Variants in ITPRID1 observed in about 807,000 individuals in gnomAD.
ITPRID1 encodes the protein ITPR interacting domain containing 1, also known as protein ITPRID1.
ITPRID1 carries 96 observed loss-of-function variants against 95.4 expected under a neutral mutation model. That is an observed-to-expected ratio of 1.01 (90% CI 0.85 to 1.19). The LOEUF (loss-of-function observed/expected upper bound fraction) is 1.19, where lower values mean the gene tolerates loss of function less well. ITPRID1 is among the 50% of genes most tolerant of loss of function. The pLI, the probability that ITPRID1 is intolerant of heterozygous loss-of-function variation, is 0.00. For missense variants in ITPRID1, 1,339 were observed against 1,252.9 expected, an observed-to-expected ratio of 1.07 and a Z score of -1.04; for synonymous variants, 510 against 453.6, an observed-to-expected ratio of 1.12 and a Z score of -1.58.
At chr7:31,568,810 C>A (rs926493178) in intron 5 of ITPRID1, among the ~76,000 whole-genome samples, 1 of 152,168 alleles carries the variant, frequency 6.6e-6, no homozygotes, top group Non-Finnish European at 1.5e-5. Context: ...ATATACACTC[C>A]TCTTTCTGTC....
intron 10 of ITPRID1, among the ~76,000 whole-genome samples, chr7:31,613,163 A>C (rs959832483): frequency 2.6e-5 from 4 of 152,138 alleles, no homozygotes; most frequent in African/African-American, 9.7e-5. Flanking sequence ...GCTGTTTTTC[A>C]CAGCTACCAC....
At position 31,654,309 on chromosome 7, in the gene ITPRID1, G is replaced by C. The variant is rs932922813; in HGVS notation, c.*1480G>C. Among the ~76,000 whole-genome samples the C allele has an allele frequency of 6.6e-6, 1 of 152,174 alleles. No homozygotes were observed. The highest frequency in any genetic ancestry group is 2.4e-5 in the African/African-American group (1 of 41,432). Reference sequence around the variant, plus strand: ...GAAAGTTAACAGGCCCCCAGATGTAGAGATAGCCAGTGCTGCTCAGTGCGG... The same window carrying C: ...GAAAGTTAACAGGCCCCCAGATGTACAGATAGCCAGTGCTGCTCAGTGCGG... On this transcript the variant is annotated 3_prime_UTR_variant, in exon 15 of 15. Coordinates refer to ENST00000615280, the MANE Select transcript of ITPRID1 (RefSeq NM_001257967.3).
At position 31,642,258 on chromosome 7, in the gene ITPRID1, G is replaced by C; in HGVS notation, c.1311G>C (p.Gln437His). Residue 437 changes from glutamine (Q) to histidine (H), a missense_variant and splice_region_variant, in exon 11 of 15, where the codon CAG becomes CAC. Coordinates refer to ENST00000615280, the MANE Select transcript of ITPRID1 (RefSeq NM_001257967.3). The part of the protein sequence containing the change: ...LEEPLEPLPL[Q>H]MPSLPNSQSP... Reference sequence around the variant, plus strand: ...AGCCGCTGGAACCGCTGCCCCTCCAGGTAGGAGGGTTTGGAACAGGGCCCT... The same window carrying C: ...AGCCGCTGGAACCGCTGCCCCTCCACGTAGGAGGGTTTGGAACAGGGCCCT... 1.3e-6 allele frequency: 2 copies of C among 1,547,208 alleles called. No individual in the cohort carries two copies. Among genetic ancestry groups the C allele is most frequent in the Non-Finnish European group, 1.7e-6 (2 of 1,144,092 alleles).
chr7:31,578,214 C>T lies in ITPRID1; in HGVS notation c.950C>T (p.Ser317Phe). The change falls in exon 9 of 15, where the codon TCT becomes TTT. Residue 317 changes from serine to phenylalanine, a missense_variant. Transcript: ENST00000615280. ...TTGTCTCTGTCAGTAGAACATCAGT[C>T]TCTCCAAGCCTGTGATGATTTGCTA... is the stretch of plus-strand genomic sequence containing the variant. ...NHLSLSVEHQ[S>F]LQACDDLLPY... 1.2e-6 allele frequency: 2 copies of T among 1,613,376 alleles called. No individual in the cohort carries two copies. Among genetic ancestry groups the T allele is most frequent in the Non-Finnish European group, 1.7e-6 (2 of 1,179,534 alleles).
intron 10 of ITPRID1, among the ~76,000 whole-genome samples, chr7:31,587,982 T>G (rs941472963): frequency 1.3e-5 from 2 of 152,056 alleles, no homozygotes; most frequent in Non-Finnish European, 2.9e-5. Flanking sequence ...CTTAGACAAA[T>G]CTTTAGGAAT....
At chr7:31,613,818 C>T (rs1336401652) in intron 10 of ITPRID1, among the ~76,000 whole-genome samples, 4 of 152,070 alleles carry the variant, frequency 2.6e-5, no homozygotes, top group Non-Finnish European at 5.9e-5. Context: ...TTCTTTTTGC[C>T]CTCTGCACAG....
chr7:31,594,681 AC>A (rs1786004025), intron 10 of ITPRID1, among the ~76,000 whole-genome samples: 1 of 151,992 alleles, frequency 6.6e-6, no homozygotes, highest in African/African-American at 2.4e-5. Context: ...ACATGGTGAA[AC>A]CCCATCTCTA....
chr7:31,625,762 A>G (rs1219265900), intron 10 of ITPRID1, among the ~76,000 whole-genome samples: 3 of 152,144 alleles, frequency 2.0e-5, no homozygotes, highest in Non-Finnish European at 4.4e-5. Flanking sequence ...CCCTAAACTT[A>G]AAGTATAATT....
rs1412489561 is a variant in ITPRID1, at chr7:31,593,440, A to ATT, written c.1228+10250_1228+10251dup. Among the ~76,000 whole-genome samples, 32 of 152,356 alleles carry ATT rather than the reference A, an allele frequency of 2.1e-4. No homozygotes were observed. In the South Asian group the frequency reaches 5.8e-3, roughly 28 times the overall value. ...AAATCAATGAGAAAAACAATATCTT[A>ATT]TTAGATATGGTGAATGGAAATACAT... On this transcript the variant is annotated intron_variant, in intron 10 of 14. Transcript: ENST00000615280.
intron 1 of ITPRID1, among the ~76,000 whole-genome samples, chr7:31,544,393 C>G (rs115746431): frequency 1.3e-5 from 2 of 152,048 alleles, no homozygotes; most frequent in Admixed American, 6.6e-5. Flanking sequence ...AAAGAACATA[C>G]GTTTAATTAT....
chr7:31,606,116 G>C (rs184263698), intron 10 of ITPRID1, among the ~76,000 whole-genome samples: 1 of 152,100 alleles, frequency 6.6e-6, no homozygotes, highest in Non-Finnish European at 1.5e-5. Context: ...GAGTTTCAAA[G>C]TTCTGTGTTT....
intron 10 of ITPRID1, among the ~76,000 whole-genome samples, chr7:31,616,299 G>T (rs944143251): frequency 6.6e-6 from 1 of 151,946 alleles, no homozygotes; most frequent in Non-Finnish European, 1.5e-5. Flanking sequence ...TGTATTTATG[G>T]TTATCCCTTC....
Position 31,656,046 on chromosome 7 carries a change from G to A in ITPRID1, c.*3217G>A, listed in dbSNP as rs946992614. ...TGAAGTATCTCACCAGTAAGTCCTA[G>A]GGCAGACCCCATCTCCTACACAGGC... On this transcript the variant is annotated 3_prime_UTR_variant, in exon 15 of 15. Transcript: ENST00000615280. The A allele has an allele frequency of 1.0e-6, 1 of 979,792 alleles. No homozygotes were observed. Among genetic ancestry groups the A allele is most frequent in the African/African-American group, 1.8e-5 (1 of 57,096 alleles). 60.7% of individuals were successfully genotyped at this position (979,792 alleles called of 1,614,324 possible). A position where few individuals can be genotyped will look rare whatever the true frequency, so the allele number is the denominator to read the frequency against.
chr7:31,574,668 C>G lies in ITPRID1; in HGVS notation c.524C>G (p.Ala175Gly). Residue 175 changes from alanine (A) to glycine (G), a missense_variant, in exon 8 of 15, where the codon GCC (alanine) becomes GGC (glycine). Physicochemically the swap from Ala to Gly is moderately conservative, Grantham distance 60 (BLOSUM62 0). Transcript: ENST00000615280. ...PARFLGCGSA[A>G]RGINIRVFLE... is the part of the protein sequence containing the mutation. Reference sequence around the variant, plus strand: ...AGATTCCTTGGTTGTGGCTCAGCAGCCAGAGGAATCAACATCCGTGTTTTT... The same window carrying G: ...AGATTCCTTGGTTGTGGCTCAGCAGGCAGAGGAATCAACATCCGTGTTTTT... 6.2e-7 allele frequency: 1 copy of G among 1,613,850 alleles called. No individual in the cohort carries two copies. Among genetic ancestry groups the G allele is most frequent in the Non-Finnish European group, 8.5e-7 (1 of 1,179,832 alleles).
intron 10 of ITPRID1, among the ~76,000 whole-genome samples, chr7:31,620,819 A>C (rs1269920074): frequency 6.6e-6 from 1 of 152,200 alleles, no homozygotes; most frequent in Non-Finnish European, 1.5e-5. Flanking sequence ...AAGCTACAGG[A>C]GGAAATTCAA....
chr7:31,645,069 A>G (rs1790347923), intron 12 of ITPRID1, among the ~76,000 whole-genome samples: 1 of 152,224 alleles, frequency 6.6e-6, no homozygotes, highest in Admixed American at 6.5e-5. Flanking sequence ...AGGAAACTAG[A>G]ACTGAGAGAG....
intron 1 of ITPRID1, among the ~76,000 whole-genome samples, chr7:31,533,637 C>T (rs999371639): frequency 1.3e-5 from 2 of 152,058 alleles, no homozygotes; most frequent in African/African-American, 4.8e-5. Context: ...TCCTCTGCAT[C>T]CTACACATTT....
At chr7:31,521,283 A>C (rs1783241385) in intron 1 of ITPRID1, among the ~76,000 whole-genome samples, 1 of 152,136 alleles carries the variant, frequency 6.6e-6, no homozygotes, top group African/African-American at 2.4e-5. Flanking sequence ...ATTTGCATTA[A>C]GTTCAAAATA....
intron 11 of ITPRID1, 141 bp from the exon 12 acceptor site, chr7:31,642,541 A>G (rs995363682): frequency 6.4e-5 from 48 of 750,324 alleles, no homozygotes; most frequent in African/African-American, 8.8e-5. Context: ...ACCTTGGTAA[A>G]GAGGTAAACA....
Sources: allele counts gnomAD v4.1 joint callset (sites outside exome capture counted in the v4.1 genomes callset), GRCh38; gene constraint gnomAD v4.1.1; transcripts MANE v1.5; gene names NCBI Gene and HGNC (gene_info 2026-07-23, HGNC 2026-07-21).